Variants in SHMT1 observed in about 807,000 individuals in gnomAD.
The protein encoded by SHMT1 is serine hydroxymethyltransferase, cytosolic.
SHMT1 carries 45 observed loss-of-function variants against 49.0 expected under a neutral mutation model. The ratio of observed to expected loss-of-function variants is 0.92; its 90% confidence interval spans 0.72 to 1.18. SHMT1 has a LOEUF of 1.18. Ranked by LOEUF, SHMT1 falls within the 50% of genes most tolerant of loss-of-function variation. SHMT1 has a pLI of 0.00. For missense variants in SHMT1, 541 were observed against 612.4 expected (o/e 0.88, Z 1.23); for synonymous variants, 232 against 246.6 (o/e 0.94, Z 0.55).
chr17:18,353,204 TGAAA>T (rs1460074881), intron 3 of SHMT1, among the ~76,000 whole-genome samples: 2 of 152,176 alleles, frequency 1.3e-5, no homozygotes, highest in African/African-American at 2.4e-5. Context: ...ATTCTGAGGG[TGAAA>T]GAGTCAACTG....
chr17:18,333,025 G>A (rs2273029), intron 9 of SHMT1, 141 bp downstream of exon 9: 254,082 of 1,087,362 alleles, frequency 0.23, 30,478 homozygotes, highest in Middle Eastern at 0.28. Flanking sequence ...AGTTGGAGGC[G>A]AGGCTGACCT....
chr17:18,346,775 G>A (rs1985121926), intron 5 of SHMT1, among the ~76,000 whole-genome samples: 1 of 152,204 alleles, frequency 6.6e-6, no homozygotes, highest in South Asian at 2.1e-4. Context: ...CACTGGGCAA[G>A]ATAGTCAAAC....
intron 5 of SHMT1, among the ~76,000 whole-genome samples, chr17:18,346,828 TCTA>T (rs1480012222): frequency 2.6e-5 from 4 of 152,202 alleles, no homozygotes; most frequent in African/African-American, 7.2e-5. Context: ...TCTCATGTAA[TCTA>T]CTGAATACTG....
chr17:18,357,762 G>A (rs966395618), intron 1 of SHMT1, among the ~76,000 whole-genome samples: 1 of 151,918 alleles, frequency 6.6e-6, no homozygotes, highest in Non-Finnish European at 1.5e-5. Flanking sequence ...CCAGCACTTT[G>A]GGAGGCCAGG....
chr17:18,330,653 AAATGGTTGTCAGAACC>A lies in SHMT1; in HGVS notation c.1057_1072del (p.Gly353Ter). 6.2e-7 allele frequency: 1 copy of A among 1,613,916 alleles called. No homozygotes were observed. Among genetic ancestry groups the A allele is most frequent in the Non-Finnish European group, 8.5e-7 (1 of 1,179,752 alleles). ...TTTGGAACGGAGATCCACAAGGATC[AAATGGTTGTCAGAACC>A]ACCTGGAAACAAAGTTGGACATGTA... On this transcript the variant is annotated frameshift_variant and splice_region_variant, in exon 10 of 12. Transcript: ENST00000316694. LOFTEE classifies it high-confidence loss of function.
intron 9 of SHMT1, chr17:18,332,797 G>A (rs1983359842): frequency 2.8e-6 from 1 of 352,126 alleles, no homozygotes; most frequent in African/African-American, 2.1e-5. Context: ...ACACTCCCCT[G>A]GCACAGTGCA....
At chr17:18,334,088 G>A (rs1983535480) in intron 8 of SHMT1, among the ~76,000 whole-genome samples, 1 of 152,090 alleles carries the variant, frequency 6.6e-6, no homozygotes, top group Admixed American at 6.6e-5. Flanking sequence ...ACAGGCACGT[G>A]CCACCACATC....
chr17:18,344,927 C>T lies in SHMT1; in HGVS notation c.519+2569G>A, dbSNP rs751753040. ...GGCAGGGGCTGAAGGTGGAGGCAGG[C>T]GGTCTGGTGAAGGCTGGGCAGGGCA... is the stretch of plus-strand genomic sequence containing the variant. On this transcript the variant is annotated intron_variant, in intron 5 of 11. Coordinates refer to ENST00000316694, the MANE Select transcript of SHMT1 (RefSeq NM_004169.5). 4.6e-5 allele frequency among the ~76,000 whole-genome samples: 7 copies of T among 152,188 alleles called. No individual in the cohort carries two copies. In the East Asian group the frequency reaches 1.2e-3, roughly 25 times the overall value.
intron 2 of SHMT1, 33 bp downstream of exon 2, chr17:18,355,853 T>TA (rs768904699): frequency 1.4e-5 from 19 of 1,386,570 alleles, no homozygotes; most frequent in African/African-American, 5.7e-5. Flanking sequence ...GCCTCCAACA[T>TA]AAAAAAATCT....
rs772867992 is a variant in SHMT1 at position 18,330,559 on chromosome 17, A to T, written c.1167T>A (p.Cys389Ter). Residue 389 changes from cysteine to a stop codon, truncating the protein, a stop_gained, in exon 10 of 12, where the codon TGT becomes TGA. Coordinates refer to ENST00000316694, the MANE Select transcript of SHMT1 (RefSeq NM_004169.5). LOFTEE classifies it high-confidence loss of function. ...ACSIACNKNT[C>*]PGDRSALRPS... ...GAAGGCAAGGATGATTCTCACCTGG[A>T]CAGGTGTTCTTGTTGCAGGCAATAG... 4.3e-5 allele frequency: 69 copies of T among 1,603,208 alleles called. No homozygotes were observed. Among genetic ancestry groups the T allele is most frequent in the Non-Finnish European group, 5.9e-5 (69 of 1,169,984 alleles).
intron 1 of SHMT1, among the ~76,000 whole-genome samples, chr17:18,358,011 C>T (rs1986405160): frequency 6.6e-6 from 1 of 150,928 alleles, no homozygotes; most frequent in African/African-American, 2.4e-5. Context: ...ACACAGGCAC[C>T]CACCACCATG....
At chr17:18,338,808 G>A (rs543518138) in intron 7 of SHMT1, among the ~76,000 whole-genome samples, 7 of 152,154 alleles carry the variant, frequency 4.6e-5, no homozygotes, top group South Asian at 2.1e-4. Flanking sequence ...GATTAAGGGT[G>A]GTGCAAGATG....
intron 1 of SHMT1, among the ~76,000 whole-genome samples, chr17:18,357,642 A>T (rs538639124): frequency 6.6e-6 from 1 of 152,150 alleles, no homozygotes; most frequent in Non-Finnish European, 1.5e-5. Flanking sequence ...TTTTGAATAC[A>T]TAAGGACCTC....
At chr17:18,344,577 G>GTAA (rs1555581586) in intron 5 of SHMT1, among the ~76,000 whole-genome samples, 1 of 65,384 alleles carries the variant, frequency 1.5e-5, no homozygotes, top group Non-Finnish European at 2.8e-5. Context: ...ACAATTACCG[G>GTAA]AAAAAAAAAA....
At chr17:18,339,815 C>T (rs1362034249) in intron 7 of SHMT1, among the ~76,000 whole-genome samples, 1 of 152,202 alleles carries the variant, frequency 6.6e-6, no homozygotes, top group African/African-American at 2.4e-5. Flanking sequence ...CCGCTTCGGC[C>T]TCCCAAAGTG....
rs539125909 is a variant in SHMT1, at chr17:18,348,125, G to A, written c.358+200C>T. On this transcript the variant is annotated intron_variant, in intron 4 of 11. Transcript: ENST00000316694. Reference sequence around the variant, plus strand: ...AGTGGAGACCGGGTTTCTCCATGTTGGTCAGGCTGGTCTTGAACTGCCGGC... The same window carrying A: ...AGTGGAGACCGGGTTTCTCCATGTTAGTCAGGCTGGTCTTGAACTGCCGGC... 3.4e-4 allele frequency: 205 copies of A among 598,108 alleles called. 1 individual carries two copies. Among genetic ancestry groups the A allele is most frequent in the Non-Finnish European group, 4.7e-4 (152 of 325,488 alleles). The allele number at this position is 598,108 out of a possible 1,614,324, so 37.1% of individuals were successfully genotyped here. A position where few individuals can be genotyped will look rare whatever the true frequency, so the allele number is the denominator to read the frequency against.
chr17:18,350,762 T>C (rs1985602773), intron 3 of SHMT1, among the ~76,000 whole-genome samples: 1 of 151,930 alleles, frequency 6.6e-6, no homozygotes, highest in Admixed American at 6.6e-5. Flanking sequence ...AGATGGAGTC[T>C]TGCTCTGTCT....
chr17:18,347,287 T>G (rs1053248400), intron 5 of SHMT1, among the ~76,000 whole-genome samples: 1 of 152,212 alleles, frequency 6.6e-6, no homozygotes, highest in Admixed American at 6.5e-5. Context: ...CTGGTTTCCC[T>G]GTGGCCTCAG....
chr17:18,330,804 C>G, intron 9 of SHMT1, 133 bp from the exon 10 acceptor site: 3 of 710,978 alleles, frequency 4.2e-6, no homozygotes. Flanking sequence ...ACCACATGGC[C>G]TGGGATTCTA....
Sources: gnomAD v4.1 joint callset for allele counts (sites outside exome capture counted in the v4.1 genomes callset) on GRCh38, gnomAD v4.1.1 for gene constraint, MANE v1.5 for transcripts, NCBI Gene and HGNC (gene_info 2026-07-23, HGNC 2026-07-21) for gene names.